The following BBX variants were observed in gnomAD, a reference collection of about 807,000 sequenced individuals.
The protein encoded by BBX is HMG box transcription factor BBX.
A neutral mutation model predicts 100.2 loss-of-function variants in BBX; 30 were observed. The ratio of observed to expected loss-of-function variants is 0.30; its 90% CI spans 0.22 to 0.41. The LOEUF is 0.41. Among genes scored for constraint, BBX ranks in the 10% least tolerant of loss-of-function variants. The pLI, the probability that BBX is intolerant of heterozygous loss-of-function variation, is 1.00. For missense variants in BBX, 1,023 were observed against 1,129.8 expected, an observed-to-expected ratio of 0.91 and a Z score of 1.35; for synonymous variants, 376 against 388.1, an observed-to-expected ratio of 0.97 and a Z score of 0.37.
In BBX at chr3:107,774,831, A is replaced by G. The variant is rs565318001; in HGVS notation, c.2028A>G (p.Thr676=). 6.2e-7 allele frequency: 1 copy of G among 1,613,430 alleles called. No individual in the cohort carries two copies. Among genetic ancestry groups the G allele is most frequent in the African/African-American group, 1.3e-5 (1 of 75,006 alleles). Residue 676 remains threonine (T), a synonymous_variant, in exon 12 of 18, where the codon ACA becomes ACG. Transcript: ENST00000325805. Reference sequence around the variant, plus strand: ...GTGGGAGCAAGAAGTTCAAGAAGACAAAGCCAAAAGAAGACTGTCTCCTTG... The same window carrying G: ...GTGGGAGCAAGAAGTTCAAGAAGACGAAGCCAAAAGAAGACTGTCTCCTTG... ...GTSGSKKFKK[T]KPKEDCLLGS...
intron 17 of BBX, 43 bp from the exon 18 acceptor site, chr3:107,805,327 A>G: frequency 1.3e-6 from 2 of 1,574,396 alleles, no homozygotes; most frequent in Non-Finnish European, 1.7e-6. Context: ...GTCTCTAATA[A>G]CATATGCTGA....
intron 2 of BBX, among the ~76,000 whole-genome samples, chr3:107,623,753 T>TA (rs1325764049): frequency 3.3e-5 from 5 of 152,230 alleles, no homozygotes; most frequent in Admixed American, 3.3e-4. Context: ...TTGGTTTTAA[T>TA]ATAAACCTGC....
intron 2 of BBX, among the ~76,000 whole-genome samples, chr3:107,563,778 C>G (rs1433043314): frequency 6.6e-6 from 1 of 152,150 alleles, no homozygotes; most frequent in Non-Finnish European, 1.5e-5. Flanking sequence ...TTTACTTGCC[C>G]TTTATATCCA....
At chr3:107,641,901 T>C (rs562065902) in intron 2 of BBX, 4 of 152,224 alleles carry the variant, frequency 2.6e-5, no homozygotes, top group African/African-American at 7.2e-5. Flanking sequence ...ATTCATAGTT[T>C]ATGTTGCCAC....
At chr3:107,683,860 T>G (rs777821099) in intron 3 of BBX, among the ~76,000 whole-genome samples, 4 of 152,216 alleles carry the variant, frequency 2.6e-5, no homozygotes, top group Non-Finnish European at 5.9e-5. Context: ...CCTGCACATG[T>G]GTTAACCTTA....
intron 3 of BBX, among the ~76,000 whole-genome samples, chr3:107,699,778 A>G (rs1006822153): frequency 1.3e-5 from 2 of 151,792 alleles, no homozygotes; most frequent in East Asian, 3.9e-4. Context: ...ACATAACTCC[A>G]CAAGGGTATG....
Position 107,680,313 on chromosome 3 carries a change from C to G in BBX, c.-9-30139C>G, listed in dbSNP as rs77861721. 4.5e-3 allele frequency among the ~76,000 whole-genome samples: 683 copies of G among 152,286 alleles called. 2 individuals carry two copies. The highest frequency in any genetic ancestry group is 8.0e-3 in the Non-Finnish European group (541 of 68,026). The stretch of plus-strand genomic sequence containing the variant: ...ACTCCTGAGTTGGACTTCTTTATCA[C>G]CGCTTACGAGTACCTCTTTACAAAG... On this transcript the variant is annotated intron_variant, in intron 3 of 17. Coordinates refer to ENST00000325805, the MANE Select transcript of BBX (RefSeq NM_001142568.3).
chr3:107,567,287 T>C (rs1019141597), intron 2 of BBX, among the ~76,000 whole-genome samples: 1 of 152,156 alleles, frequency 6.6e-6, no homozygotes, highest in African/African-American at 2.4e-5. Flanking sequence ...GAATTTGTTA[T>C]TCCTAGCCTT....
At position 107,810,358 on chromosome 3, in the gene BBX, T is replaced by C. The variant is rs2108101320; in HGVS notation, c.*4901T>C. On this transcript the variant is annotated 3_prime_UTR_variant, in exon 18 of 18. Coordinates refer to ENST00000325805, the MANE Select transcript of BBX (RefSeq NM_001142568.3). ...TGCAGTCAGTGGTCAAAACTGATCA[T>C]GTGCTTAAATCGATTTTTATGCACA... The C allele has an allele frequency of 6.6e-6, 1 of 152,356 alleles. No homozygotes were observed. Among genetic ancestry groups the C allele is most frequent in the South Asian group, 2.1e-4 (1 of 4,830 alleles). The allele number at this position is 152,356 out of a possible 1,614,324, so 9.4% of individuals were successfully genotyped here.
intron 3 of BBX, among the ~76,000 whole-genome samples, chr3:107,673,070 T>G (rs1464550710): frequency 6.6e-6 from 1 of 152,096 alleles, no homozygotes; most frequent in Non-Finnish European, 1.5e-5. Flanking sequence ...ATCTCTGAAG[T>G]ATGTTCTGAC....
chr3:107,623,430 G>A (rs1003093323), intron 2 of BBX, among the ~76,000 whole-genome samples: 2 of 152,126 alleles, frequency 1.3e-5, no homozygotes, highest in South Asian at 4.1e-4. Flanking sequence ...AAATTTTGTT[G>A]TTCTTCCTCT....
intron 2 of BBX, among the ~76,000 whole-genome samples, chr3:107,642,422 C>A (rs1211341441): frequency 6.6e-6 from 1 of 152,132 alleles, no homozygotes; most frequent in Non-Finnish European, 1.5e-5. Flanking sequence ...AGAAAACTTG[C>A]ATTATAAAAT....
At chr3:107,671,533 A>T (rs1229870106) in intron 3 of BBX, among the ~76,000 whole-genome samples, 1 of 152,046 alleles carries the variant, frequency 6.6e-6, no homozygotes, top group African/African-American at 2.4e-5. Flanking sequence ...AAAAAAAGTC[A>T]TAATTTTGTG....
At chr3:107,682,969 C>G (rs1344820079) in intron 3 of BBX, among the ~76,000 whole-genome samples, 1 of 152,108 alleles carries the variant, frequency 6.6e-6, no homozygotes, top group Non-Finnish European at 1.5e-5. Flanking sequence ...AACTTATTGA[C>G]TTTCTTTTTT....
At chr3:107,759,955 C>T (rs1234002410) in intron 10 of BBX, among the ~76,000 whole-genome samples, 1 of 152,158 alleles carries the variant, frequency 6.6e-6, no homozygotes. Flanking sequence ...GCTATCTAAC[C>T]TAAGATGATA....
At chr3:107,689,320 G>A (rs887651960) in intron 3 of BBX, among the ~76,000 whole-genome samples, 1 of 152,146 alleles carries the variant, frequency 6.6e-6, no homozygotes, top group African/African-American at 2.4e-5. Context: ...CTTACGTGCT[G>A]TGTTGCTTAT....
At chr3:107,529,174 G>A (rs2047985409) in intron 2 of BBX, among the ~76,000 whole-genome samples, 3 of 152,086 alleles carry the variant, frequency 2.0e-5, no homozygotes, top group Non-Finnish European at 4.4e-5. Context: ...CTAAATATAG[G>A]CATTAATTTT....
intron 2 of BBX, among the ~76,000 whole-genome samples, chr3:107,635,904 A>G (rs1430465368): frequency 1.3e-5 from 2 of 151,842 alleles, no homozygotes; most frequent in African/African-American, 4.8e-5. Flanking sequence ...TAGAGATGGC[A>G]TTTCACCATG....
At chr3:107,767,445 C>A (rs2066485378) in intron 10 of BBX, among the ~76,000 whole-genome samples, 1 of 152,064 alleles carries the variant, frequency 6.6e-6, no homozygotes, top group South Asian at 2.1e-4. Context: ...ATTTAGGTTT[C>A]CAACAACAGA....
Sources: allele counts gnomAD v4.1 joint callset (sites outside exome capture counted in the v4.1 genomes callset), GRCh38; gene constraint gnomAD v4.1.1; transcripts MANE v1.5; gene names NCBI Gene and HGNC (gene_info 2026-07-23, HGNC 2026-07-21).